USP24: variants seen among roughly 807,000 people sequenced by gnomAD.
USP24 encodes ubiquitin carboxyl-terminal hydrolase 24.
USP24 carries 97 observed loss-of-function variants against 361.6 expected under a neutral mutation model. The observed-to-expected ratio is 0.27, with a 90% CI of 0.23 to 0.32. USP24 has a LOEUF of 0.32. USP24 is among the 10% of genes least tolerant of loss of function. The pLI is 1.00. For synonymous variants in USP24, 1,098 were observed against 1,124.6 expected, an observed-to-expected ratio of 0.98 and a Z score of 0.47; for missense variants, 2,353 against 3,165.6, an observed-to-expected ratio of 0.74 and a Z score of 6.16.
At chr1:55,199,150 A>G (rs1281000801) in intron 1 of USP24, among the ~76,000 whole-genome samples, 1 of 152,088 alleles carries the variant, frequency 6.6e-6, no homozygotes, top group African/African-American at 2.4e-5. Context: ...TTAGTCAGGC[A>G]TGGTGGCGGG....
chr1:55,106,041 A>G (rs1645763854), intron 41 of USP24, 105 bp downstream of exon 41: 1 of 871,180 alleles, frequency 1.1e-6, no homozygotes, highest in East Asian at 2.6e-5. Context: ...TAGGATACAC[A>G]GACTCACAGA....
intron 7 of USP24, among the ~76,000 whole-genome samples, chr1:55,164,738 T>C (rs1648650577): frequency 6.6e-6 from 1 of 152,026 alleles, no homozygotes; most frequent in Non-Finnish European, 1.5e-5. Context: ...TATGCCCAGA[T>C]TCCCATCTAT....
At chr1:55,166,658 C>A in intron 5 of USP24, 55 bp from the exon 6 acceptor site, 2 of 1,420,726 alleles carry the variant, frequency 1.4e-6, no homozygotes, top group Admixed American at 4.8e-5. Context: ...TCCCCATTAA[C>A]CCTTACATTT....
chr1:55,170,518 G>T (rs1231951791), intron 5 of USP24, among the ~76,000 whole-genome samples: 2 of 152,142 alleles, frequency 1.3e-5, no homozygotes, highest in African/African-American at 4.8e-5. Flanking sequence ...GCCTGCATGG[G>T]TTCTCCCTGT....
intron 36 of USP24, 50 bp from the exon 37 acceptor site, chr1:55,121,556 G>A: frequency 1.3e-6 from 2 of 1,496,754 alleles, no homozygotes; most frequent in Non-Finnish European, 1.8e-6. Flanking sequence ...GTTAGGTAAT[G>A]CATTTTCAAA....
chr1:55,147,584 A>C (rs1278399666), intron 18 of USP24, 65 bp downstream of exon 18: 1 of 1,425,416 alleles, frequency 7.0e-7, no homozygotes, highest in African/African-American at 1.5e-5. Flanking sequence ...TTCTTTTTAT[A>C]GTATAAGTAT....
Position 55,146,816 on chromosome 1 carries a change from A to C in USP24, c.2250+113T>G, listed in dbSNP as rs376991370. On this transcript the variant is annotated intron_variant, in intron 19 of 67. Transcript: ENST00000294383. ...TTTCAGCACTTACAGTTCTTGGCCC[A>C]TACTATTTATGCTTATATAAACTGA... is the stretch of plus-strand genomic sequence containing the variant. 329 of 1,289,370 alleles carry C rather than the reference A, an allele frequency of 2.6e-4. 4 individuals carry two copies. In the East Asian group the frequency reaches 4.8e-3, roughly 19 times the overall value. The allele number at this position is 1,289,370 out of a possible 1,614,324, so 79.9% of individuals were successfully genotyped here. A position where few individuals can be genotyped will look rare whatever the true frequency, so the allele number is the denominator to read the frequency against.
At chr1:55,154,075 T>C in intron 15 of USP24, 44 bp downstream of exon 15, 1 of 1,611,250 alleles carries the variant, frequency 6.2e-7, no homozygotes, top group Non-Finnish European at 8.5e-7. Context: ...ACTCAGGGAA[T>C]ACTGTTGCTC....
At chr1:55,101,438 G>T in intron 43 of USP24, 146 bp downstream of exon 43, 1 of 1,111,198 alleles carries the variant, frequency 9.0e-7, no homozygotes. Context: ...TACACAACAT[G>T]TCTTTACACA....
chr1:55,155,281 C>G (rs146982246), intron 12 of USP24, among the ~76,000 whole-genome samples: 1 of 152,254 alleles, frequency 6.6e-6, no homozygotes, highest in East Asian at 1.9e-4. Context: ...GCTATAGACC[C>G]TATTGTCAAC....
chr1:55,158,776 A>C, intron 10 of USP24, 102 bp downstream of exon 10: 2 of 1,026,296 alleles, frequency 1.9e-6, no homozygotes, highest in East Asian at 6.5e-5. Context: ...TGATTACAAT[A>C]AATTATTCAT....
intron 1 of USP24, among the ~76,000 whole-genome samples, chr1:55,192,913 C>A (rs1644326508): frequency 6.6e-6 from 1 of 152,144 alleles, no homozygotes; most frequent in African/African-American, 2.4e-5. Context: ...CAAAAGCTGA[C>A]TTTTGTATGT....
chr1:55,193,608 A>G (rs1399145131), intron 1 of USP24, among the ~76,000 whole-genome samples: 2 of 152,048 alleles, frequency 1.3e-5, no homozygotes, highest in South Asian at 4.1e-4. Flanking sequence ...GAAGGAGGAG[A>G]GATATGGTAA....
rs369396610 is a variant in USP24, at chr1:55,107,232, T to A, written c.4762+7A>T. The A allele has an allele frequency of 3.3e-5, 53 of 1,607,702 alleles. No homozygotes were observed. The highest frequency in any genetic ancestry group is 4.5e-5 in the Non-Finnish European group (53 of 1,177,022). ...TCTGCCATGTGATAAGATGGAGCAA[T>A]AATTACCAAGCATTTCCTTTTCTGC... is the stretch of plus-strand genomic sequence containing the variant. On this transcript the variant is annotated splice_region_variant and intron_variant, in intron 40 of 67. Transcript: ENST00000294383.
rs1441337326 is a variant in USP24 at position 55,145,981 on chromosome 1, T to C, written c.2362+17A>G. ...ACTTAAAAGTACTGAAAAAAATGAT[T>C]TTAAGTTTTTTCCTACCATTCATAG... On this transcript the variant is annotated intron_variant, in intron 20 of 67. Transcript: ENST00000294383. 1.9e-6 allele frequency: 3 copies of C among 1,552,598 alleles called. No individual in the cohort carries two copies. The highest frequency in any genetic ancestry group is 1.4e-5 in the African/African-American group (1 of 73,592).
intron 62 of USP24, among the ~76,000 whole-genome samples, chr1:55,076,327 T>C (rs1181926526): frequency 2.0e-5 from 3 of 152,226 alleles, no homozygotes; most frequent in African/African-American, 4.8e-5. Context: ...TAAGGAGCAA[T>C]AATCTGCCAA....
intron 16 of USP24, among the ~76,000 whole-genome samples, chr1:55,149,542 C>G (rs1050634072): frequency 2.6e-5 from 4 of 152,124 alleles, no homozygotes; most frequent in Non-Finnish European, 4.4e-5. Context: ...TCACACAATA[C>G]TTTTTTCCTT....
At chr1:55,083,700 AT>A in intron 57 of USP24, 71 bp downstream of exon 57, 1 of 1,110,530 alleles carries the variant, frequency 9.0e-7, no homozygotes, top group Non-Finnish European at 1.3e-6. Flanking sequence ...GAACTTTACT[AT>A]CCAGTCTAAA....
intron 58 of USP24, 95 bp from the exon 59 acceptor site, chr1:55,081,519 CT>C: frequency 8.2e-7 from 1 of 1,212,370 alleles, no homozygotes; most frequent in Non-Finnish European, 1.2e-6. Flanking sequence ...ATATTCTGGG[CT>C]TTAATTATTT....
Sources: gnomAD v4.1 joint callset for allele counts (sites outside exome capture counted in the v4.1 genomes callset) on GRCh38, gnomAD v4.1.1 for gene constraint, MANE v1.5 for transcripts, NCBI Gene and HGNC (gene_info 2026-07-23, HGNC 2026-07-21) for gene names.